Variants in GALNT18 observed in about 807,000 individuals in gnomAD.
GALNT18 encodes the protein GalNAc-transferase 18.
A neutral mutation model predicts 69.5 loss-of-function variants in GALNT18; 44 were observed. The ratio of observed to expected loss-of-function variants is 0.63; its 90% CI spans 0.50 to 0.81. The LOEUF is 0.81. Ranked by LOEUF, GALNT18 falls within the 40% of genes least tolerant of loss-of-function variation. GALNT18 has a pLI of 0.00. For missense variants in GALNT18, 715 were observed against 810.0 expected (o/e 0.88, Z 1.42); for synonymous variants, 364 against 318.2 (o/e 1.14, Z -1.53).
chr11:11,536,848 A>C lies in GALNT18; in HGVS notation c.235+84511T>G, dbSNP rs1168396049. The stretch of plus-strand genomic sequence containing the variant: ...CAAAAACAATGACCAGAGCTTCATA[A>C]AGTGGTGCTTCAAGGCAGAATGTTA... On this transcript the variant is annotated intron_variant, in intron 1 of 10. Coordinates refer to ENST00000227756, the MANE Select transcript of GALNT18 (RefSeq NM_198516.3). Among the ~76,000 whole-genome samples the C allele has an allele frequency of 2.6e-5, 4 of 152,208 alleles. No homozygotes were observed. The South Asian group carries it at 8.3e-4, about 31-fold the overall frequency.
At chr11:11,518,128 T>C (rs1431863669) in intron 1 of GALNT18, among the ~76,000 whole-genome samples, 9 of 152,148 alleles carry the variant, frequency 5.9e-5, no homozygotes, top group Admixed American at 5.9e-4. Context: ...TGCAGAGAAC[T>C]TCACAGGACA....
Position 11,430,455 on chromosome 11 carries a change from T to C in GALNT18, c.595+2166A>G, listed in dbSNP as rs1478544612. Among the ~76,000 whole-genome samples, 1 of 152,190 alleles carries C rather than the reference T, an allele frequency of 6.6e-6. No individual in the cohort carries two copies. Among genetic ancestry groups the C allele is most frequent in the East Asian group, 1.9e-4 (1 of 5,194 alleles). On this transcript the variant is annotated intron_variant, in intron 3 of 10. Transcript: ENST00000227756. This position sits in a 1 kb window ranked among gnomAD's most constrained non-coding sequence, Gnocchi z 4.9. ...GTGCATATACAGCTCGATGCAGTTG[T>C]GATGACAAGTACAGCTTTGTGTAAC...
At chr11:11,449,588 G>T (rs1458576726) in intron 1 of GALNT18, among the ~76,000 whole-genome samples, 1 of 152,232 alleles carries the variant, frequency 6.6e-6, no homozygotes, top group Non-Finnish European at 1.5e-5. Context: ...CCCTGCTCAT[G>T]GGAGCCCTTG....
In GALNT18 at chr11:11,358,859, A is replaced by ACACG. The variant is rs1554921792; in HGVS notation, c.1092+13652_1092+13655dup. The stretch of plus-strand genomic sequence containing the variant: ...CACACACACACACACACACACACAC[A>ACACG]CACGCACAGACATGTTATCCCAAGC... On this transcript the variant is annotated intron_variant, in intron 6 of 10. Coordinates refer to ENST00000227756, the MANE Select transcript of GALNT18 (RefSeq NM_198516.3). 4.9e-3 allele frequency among the ~76,000 whole-genome samples: 636 copies of ACACG among 130,078 alleles called. 113 individuals are homozygous for ACACG. Among genetic ancestry groups the ACACG allele is most frequent in the African/African-American group, 6.9e-3 (228 of 33,160 alleles). The allele number at this position is 130,078 out of a possible 152,430, so 85.3% of individuals were successfully genotyped here.
rs1858057655 is a variant in GALNT18 at position 11,546,590 on chromosome 11, G to A, written c.235+74769C>T. On this transcript the variant is annotated intron_variant, in intron 1 of 10. Coordinates refer to ENST00000227756, the MANE Select transcript of GALNT18 (RefSeq NM_198516.3). The surrounding 1 kb of genome is among the most constrained non-coding windows in gnomAD (Gnocchi z 5.8). ...ACTGGATAAACACAAAATCTTGACC[G>A]TGCCTTCGAAGCCTTTCCCAACCCA... 6.6e-6 allele frequency among the ~76,000 whole-genome samples: 1 copy of A among 152,186 alleles called. No homozygotes were observed. The highest frequency in any genetic ancestry group is 2.1e-4 in the South Asian group (1 of 4,828).
intron 1 of GALNT18, among the ~76,000 whole-genome samples, chr11:11,481,507 A>G (rs750873168): frequency 1.1e-4 from 16 of 152,018 alleles, no homozygotes; most frequent in Non-Finnish European, 2.4e-4. Flanking sequence ...TGTAGAGCAC[A>G]TGCCTCAGAG....
chr11:11,603,581 C>T lies in GALNT18; in HGVS notation c.235+17778G>A, dbSNP rs1235981187. On this transcript the variant is annotated intron_variant, in intron 1 of 10. Coordinates refer to ENST00000227756, the MANE Select transcript of GALNT18 (RefSeq NM_198516.3). This position sits in a 1 kb window ranked among gnomAD's most constrained non-coding sequence, Gnocchi z 4.5. ...TCTGCCTAATTGCTTGAGATTGTGT[C>T]CAAACTGAATATTCATAATCTTCAT... Among the ~76,000 whole-genome samples, 2 of 152,090 alleles carry T rather than the reference C, an allele frequency of 1.3e-5. No individual in the cohort carries two copies. The highest frequency in any genetic ancestry group is 4.8e-5 in the African/African-American group (2 of 41,412).
At chr11:11,452,710 C>A (rs982924096) in intron 1 of GALNT18, among the ~76,000 whole-genome samples, 2 of 152,180 alleles carry the variant, frequency 1.3e-5, no homozygotes, top group African/African-American at 2.4e-5. Flanking sequence ...TGGGCTGGGT[C>A]TTCTACAGGG....
At chr11:11,537,165 T>C (rs1258233248) in intron 1 of GALNT18, among the ~76,000 whole-genome samples, 1 of 152,120 alleles carries the variant, frequency 6.6e-6, no homozygotes, top group Admixed American at 6.5e-5. Context: ...GTTCCAAACA[T>C]GAGGGAACTG....
chr11:11,479,754 C>T (rs553675935), intron 1 of GALNT18, among the ~76,000 whole-genome samples: 1 of 152,290 alleles, frequency 6.6e-6, no homozygotes, highest in African/African-American at 2.4e-5. Context: ...TCATCTGTAG[C>T]CTCTGGCCCC....
chr11:11,417,555 A>T (rs1854894920), intron 3 of GALNT18, among the ~76,000 whole-genome samples: 2 of 152,200 alleles, frequency 1.3e-5, no homozygotes, highest in South Asian at 4.1e-4. Context: ...GTGAATCTCC[A>T]ACTTGAGAAA....
chr11:11,546,594 C>G lies in GALNT18; in HGVS notation c.235+74765G>C, dbSNP rs916270087. Among the ~76,000 whole-genome samples, 7 of 152,170 alleles carry G rather than the reference C, an allele frequency of 4.6e-5. 1 individual carries two copies. Among genetic ancestry groups the G allele is most frequent in the African/African-American group, 1.7e-4 (7 of 41,446 alleles). Reference sequence around the variant, plus strand: ...GATAAACACAAAATCTTGACCGTGCCTTCGAAGCCTTTCCCAACCCAGATC... The same window carrying G: ...GATAAACACAAAATCTTGACCGTGCGTTCGAAGCCTTTCCCAACCCAGATC... On this transcript the variant is annotated intron_variant, in intron 1 of 10. Transcript: ENST00000227756. This position sits in a 1 kb window ranked among gnomAD's most constrained non-coding sequence, Gnocchi z 5.8.
rs1268796422 is a variant in GALNT18, at chr11:11,583,260, G to A, written c.235+38099C>T. On this transcript the variant is annotated intron_variant, in intron 1 of 10. Coordinates refer to ENST00000227756, the MANE Select transcript of GALNT18 (RefSeq NM_198516.3). The surrounding 1 kb of genome is among the most constrained non-coding windows in gnomAD (Gnocchi z 4.7). ...CTATTTCTGGCAAGACCATCCTGGG[G>A]CTATTTCTCAAAGCAGCTGGTCCTT... Among the ~76,000 whole-genome samples, 3 of 152,144 alleles carry A rather than the reference G, an allele frequency of 2.0e-5. No individual in the cohort carries two copies. Among genetic ancestry groups the A allele is most frequent in the Non-Finnish European group, 4.4e-5 (3 of 68,040 alleles).
At position 11,415,778 on chromosome 11, in the gene GALNT18, C is replaced by T. The variant is rs1358057711; in HGVS notation, c.595+16843G>A. Among the ~76,000 whole-genome samples, 1 of 152,174 alleles carries T rather than the reference C, an allele frequency of 6.6e-6. No individual in the cohort carries two copies. Among genetic ancestry groups the T allele is most frequent in the Admixed American group, 6.5e-5 (1 of 15,282 alleles). On this transcript the variant is annotated intron_variant, in intron 3 of 10. Transcript: ENST00000227756. The surrounding 1 kb of genome is among the most constrained non-coding windows in gnomAD (Gnocchi z 4.1). ...CCATCCACCCATCTCATTTGCAAAG[C>T]AGGAGGGTGGGATTTGTTTTTCCTG...
At chr11:11,367,735 T>C (rs1290836796) in intron 6 of GALNT18, among the ~76,000 whole-genome samples, 1 of 152,246 alleles carries the variant, frequency 6.6e-6, no homozygotes, top group Non-Finnish European at 1.5e-5. Context: ...GGCTAGGCTT[T>C]CTAATCAGTT....
At chr11:11,381,186 G>A (rs1296305214) in intron 3 of GALNT18, among the ~76,000 whole-genome samples, 5 of 152,154 alleles carry the variant, frequency 3.3e-5, no homozygotes, top group Non-Finnish European at 5.9e-5. Context: ...GTTGCCAGGA[G>A]GCTTCTTAAA....
At chr11:11,498,620 G>A (rs1008889489) in intron 1 of GALNT18, among the ~76,000 whole-genome samples, 4 of 152,202 alleles carry the variant, frequency 2.6e-5, no homozygotes, top group Admixed American at 6.5e-5. Context: ...GCAACACGGT[G>A]AAACCTCATC....
chr11:11,353,023 A>T, intron 6 of GALNT18: 1 of 1,614,156 alleles, frequency 6.2e-7, no homozygotes. Flanking sequence ...TGATTTCCCC[A>T]TTCCACCACA....
chr11:11,438,476 G>T (rs1194589875), intron 2 of GALNT18, among the ~76,000 whole-genome samples: 4 of 152,178 alleles, frequency 2.6e-5, no homozygotes, highest in Non-Finnish European at 5.9e-5. Flanking sequence ...TTGTTTAGAT[G>T]TTTTTACTAT....
Sources: gnomAD v4.1 joint callset for allele counts (sites outside exome capture counted in the v4.1 genomes callset) on GRCh38, gnomAD v4.1.1 for gene constraint, Gnocchi (gnomAD v3.1) non-coding constraint, MANE v1.5 for transcripts, NCBI Gene and HGNC (gene_info 2026-07-23, HGNC 2026-07-21) for gene names.